The following SGCG variants were observed in gnomAD, a reference collection of about 807,000 sequenced individuals.
The protein encoded by SGCG is sarcoglycan gamma.
In SGCG, 26 loss-of-function variants were observed where a neutral mutation model predicts 29.3. That is an observed-to-expected ratio of 0.89 (90% CI 0.65 to 1.23). The LOEUF (loss-of-function observed/expected upper bound fraction) is 1.23, where lower values mean the gene tolerates loss of function less well. Among genes scored for constraint, SGCG ranks in the 50% most tolerant of loss-of-function variants. SGCG has a pLI of 0.00. For missense variants in SGCG, 353 were observed against 356.0 expected (o/e 0.99, Z 0.07); for synonymous variants, 145 against 129.7 (o/e 1.12, Z -0.80).
Position 23,282,236 on chromosome 13 carries a change from G to A in SGCG, c.505+2758G>A, listed in dbSNP as rs145556640. On this transcript the variant is annotated intron_variant, in intron 5 of 7. Transcript: ENST00000218867. ...GATTAAAGAAACCAAGAGATTCCAC[G>A]GTTTTGATGGTTCGCTTCTTGTTTT... is the stretch of plus-strand genomic sequence containing the variant. 2.9e-3 allele frequency among the ~76,000 whole-genome samples: 438 copies of A among 152,222 alleles called. 3 individuals carry two copies. The highest frequency in any genetic ancestry group is 0.01 in the African/African-American group (419 of 41,548).
chr13:23,199,714 G>A (rs764319899), intron 1 of SGCG, among the ~76,000 whole-genome samples: 12 of 151,550 alleles, frequency 7.9e-5, no homozygotes, highest in Non-Finnish European at 1.8e-4. Flanking sequence ...GTCATAAAAC[G>A]ATATAAAAAG....
chr13:23,273,712 A>G (rs1043418849), intron 4 of SGCG, among the ~76,000 whole-genome samples: 1 of 151,992 alleles, frequency 6.6e-6, no homozygotes, highest in African/African-American at 2.4e-5. Context: ...TTCTAGATTT[A>G]TTGTATTGTG....
chr13:23,167,015 T>G, the SGCG span, among the ~76,000 whole-genome samples: 3 of 152,198 alleles, frequency 2.0e-5, no homozygotes, highest in Admixed American at 2.0e-4. Flanking sequence ...TCTTTCTATT[T>G]TTTAACCCAT....
intron 7 of SGCG, among the ~76,000 whole-genome samples, chr13:23,322,012 T>A (rs889221172): frequency 6.6e-6 from 1 of 152,190 alleles, no homozygotes; most frequent in Non-Finnish European, 1.5e-5. Flanking sequence ...GTTTATAAGC[T>A]CATTCCAATT....
At chr13:23,183,355 A>G (rs1400942331) in intron 1 of SGCG, among the ~76,000 whole-genome samples, 1 of 152,124 alleles carries the variant, frequency 6.6e-6, no homozygotes, top group African/African-American at 2.4e-5. Context: ...AGGAACTTGA[A>G]CCTGCTTCTC....
At chr13:23,238,378 G>A (rs1879387681) in intron 3 of SGCG, among the ~76,000 whole-genome samples, 1 of 152,110 alleles carries the variant, frequency 6.6e-6, no homozygotes, top group Non-Finnish European at 1.5e-5. Flanking sequence ...ATTTACCAGT[G>A]TGTGTGTGTG....
intron 5 of SGCG, among the ~76,000 whole-genome samples, chr13:23,291,692 T>C (rs1881711578): frequency 6.6e-6 from 1 of 152,234 alleles, no homozygotes; most frequent in Non-Finnish European, 1.5e-5. Flanking sequence ...GTCAATATAA[T>C]ATCACTAATT....
At chr13:23,229,195 C>T (rs904147356) in intron 2 of SGCG, among the ~76,000 whole-genome samples, 5 of 152,126 alleles carry the variant, frequency 3.3e-5, no homozygotes, top group Non-Finnish European at 7.3e-5. Context: ...ATCTAGTCTA[C>T]TGTTGATGGA....
At chr13:23,203,578 ATGAC>A in intron 1 of SGCG, 113 bp from the exon 2 acceptor site, 1 of 745,728 alleles carries the variant, frequency 1.3e-6, no homozygotes, top group Non-Finnish European at 2.4e-6. Context: ...TTGGAAATCT[ATGAC>A]TGGGATGAAA....
chr13:23,304,126 T>C (rs1009632732), intron 6 of SGCG, among the ~76,000 whole-genome samples: 1 of 152,198 alleles, frequency 6.6e-6, no homozygotes, highest in African/African-American at 2.4e-5. Context: ...TCTTTAAATA[T>C]TGGGAATATT....
intron 6 of SGCG, among the ~76,000 whole-genome samples, chr13:23,311,764 A>G (rs760556172): frequency 6.6e-6 from 1 of 152,362 alleles, no homozygotes; most frequent in African/African-American, 2.4e-5. Context: ...GTCACTTTCA[A>G]CATATTTTCA....
chr13:23,239,382 C>T lies in SGCG; in HGVS notation c.297+4670C>T, dbSNP rs534743471. ...AGAACTCTTTACCTAGCAAAAGTAT[C>T]TTTAAAAGACAAAGTCAAAATAAAG... is the stretch of plus-strand genomic sequence containing the variant. On this transcript the variant is annotated intron_variant, in intron 3 of 7. Transcript: ENST00000218867. Among the ~76,000 whole-genome samples the T allele has an allele frequency of 2.0e-5, 3 of 152,180 alleles. No individual in the cohort carries two copies. The South Asian group carries it at 6.2e-4, about 32-fold the overall frequency.
chr13:23,315,386 C>G (rs1244398654), intron 6 of SGCG, among the ~76,000 whole-genome samples: 3 of 152,202 alleles, frequency 2.0e-5, no homozygotes, highest in Admixed American at 6.5e-5. Flanking sequence ...CGAGCAGGTC[C>G]TGAAGGCACA....
At chr13:23,280,905 T>A (rs1332787660) in intron 5 of SGCG, among the ~76,000 whole-genome samples, 1 of 152,208 alleles carries the variant, frequency 6.6e-6, no homozygotes, top group African/African-American at 2.4e-5. Flanking sequence ...ATCAATAAGA[T>A]GAACTTTTCC....
chr13:23,277,168 A>G (rs1184413225), intron 4 of SGCG, among the ~76,000 whole-genome samples: 1 of 152,218 alleles, frequency 6.6e-6, no homozygotes, highest in Non-Finnish European at 1.5e-5. Context: ...CTTATACTTA[A>G]TAAGGCCTCC....
At chr13:23,300,238 T>C (rs937015244) in intron 6 of SGCG, among the ~76,000 whole-genome samples, 1 of 152,228 alleles carries the variant, frequency 6.6e-6, no homozygotes, top group African/African-American at 2.4e-5. Flanking sequence ...TACGAAAGTT[T>C]ACCTAGTAAG....
chr13:23,167,011 T>A, the SGCG span, among the ~76,000 whole-genome samples: 1 of 152,218 alleles, frequency 6.6e-6, no homozygotes, highest in Non-Finnish European at 1.5e-5. Context: ...TTATTCTTTC[T>A]ATTTTTTAAC....
At chr13:23,196,560 A>G (rs1049807040) in intron 1 of SGCG, among the ~76,000 whole-genome samples, 1 of 152,166 alleles carries the variant, frequency 6.6e-6, no homozygotes, top group African/African-American at 2.4e-5. Flanking sequence ...TGGTATGTTT[A>G]TTCGTCACGT....
the SGCG span, among the ~76,000 whole-genome samples, chr13:23,164,403 C>G: frequency 6.6e-6 from 1 of 152,168 alleles, no homozygotes; most frequent in South Asian, 2.1e-4. Context: ...CACTTTCATA[C>G]ACACTCTGCA....
Sources: gnomAD v4.1 joint callset for allele counts (sites outside exome capture counted in the v4.1 genomes callset) on GRCh38, gnomAD v4.1.1 for gene constraint, MANE v1.5 for transcripts, NCBI Gene and HGNC (gene_info 2026-07-23, HGNC 2026-07-21) for gene names.